Variants in OPA1 observed in about 807,000 individuals in gnomAD.
OPA1 encodes the protein OPA1 mitochondrial dynamin like GTPase, also known as dynamin-like GTPase OPA1, mitochondrial.
Under a neutral mutation model 152.9 loss-of-function variants are expected in OPA1, and 59 were observed. The ratio of observed to expected loss-of-function variants is 0.39; its 90% CI spans 0.31 to 0.48. The LOEUF is 0.48. OPA1 is among the 20% of genes least tolerant of loss of function. The pLI, the probability that OPA1 is intolerant of heterozygous loss-of-function variation, is 0.96. For missense variants in OPA1, 1,008 were observed against 1,216.8 expected (o/e 0.83, Z 2.55); for synonymous variants, 400 against 389.9 (o/e 1.03, Z -0.31).
chr3:193,600,517 T>G (rs1393060747), intron 1 of OPA1, among the ~76,000 whole-genome samples: 2 of 152,166 alleles, frequency 1.3e-5, no homozygotes, highest in Non-Finnish European at 2.9e-5. Flanking sequence ...AATGCTAAGG[T>G]GTACTCCTTA....
chr3:193,668,295 T>G (rs1304182009), intron 29 of OPA1: 2 of 1,528,582 alleles, frequency 1.3e-6, no homozygotes, highest in African/African-American at 2.8e-5. Context: ...TGAATGAAGA[T>G]ATGTCCTTTT....
chr3:193,665,088 GT>G (rs963789511), intron 27 of OPA1, 92 bp downstream of exon 27: 24 of 743,664 alleles, frequency 3.2e-5, no homozygotes, highest in Non-Finnish European at 5.3e-5. Context: ...TTAATTTTAA[GT>G]CCTTTGATCA....
intron 29 of OPA1, among the ~76,000 whole-genome samples, chr3:193,671,302 C>T (rs61298610): frequency 9.9e-5 from 15 of 152,156 alleles, no homozygotes; most frequent in Admixed American, 3.3e-4. Flanking sequence ...TCCTGAAGTA[C>T]TTCTTACCAA....
rs1386279079 is a variant in OPA1 at position 193,652,813 on chromosome 3, G to T, written c.2013-2049G>T. Among the ~76,000 whole-genome samples, 5 of 152,114 alleles carry T rather than the reference G, an allele frequency of 3.3e-5. No individual in the cohort carries two copies. The East Asian group carries it at 5.8e-4, about 18-fold the overall frequency. On this transcript the variant is annotated intron_variant, in intron 21 of 30. Transcript: ENST00000361510. ...AGCTTGGCGATGAAAGGCAGGAGAGGCTGGGCAAGGAGAAGTGATAACAGC... is the reference window on the plus strand; with the variant it reads ...AGCTTGGCGATGAAAGGCAGGAGAGTCTGGGCAAGGAGAAGTGATAACAGC...
chr3:193,593,990 A>G (rs1006853338), intron 1 of OPA1, among the ~76,000 whole-genome samples: 4 of 152,268 alleles, frequency 2.6e-5, no homozygotes, highest in African/African-American at 9.6e-5. Flanking sequence ...TGCCCTTTCA[A>G]TAGCAGCTTT....
chr3:193,626,152 C>G lies in OPA1; in HGVS notation c.739C>G (p.Arg247Gly), dbSNP rs372957905. 1.2e-6 allele frequency: 2 copies of G among 1,613,978 alleles called. No individual in the cohort carries two copies. The highest frequency in any genetic ancestry group is 2.7e-5 in the African/African-American group (2 of 74,898). Reference protein sequence around the residue: ...QQIQEHEEEARRAAGQYSTSY... With the variant: ...QQIQEHEEEAGRAAGQYSTSY... ...AATTCAAGAGCATGAAGAGGAAGCG[C>G]GCAGAGCCGCTGGCCAATATAGCAC... Residue 247 changes from arginine (R) to glycine (G), a missense_variant, in exon 7 of 31, where the codon CGC becomes GGC. Around this residue, in one of 7 missense-constraint regions of OPA1, gnomAD observed 408 missense variants for 395.1 expected, o/e 1.03. Transcript: ENST00000361510.
At chr3:193,684,079 C>T (rs1174462098) in intron 29 of OPA1, among the ~76,000 whole-genome samples, 2 of 152,096 alleles carry the variant, frequency 1.3e-5, no homozygotes, top group Non-Finnish European at 2.9e-5. Flanking sequence ...AAGCATGGGT[C>T]TTCTTCGTAC....
At chr3:193,626,045 A>C in intron 6 of OPA1, 47 bp from the exon 7 acceptor site, 1 of 1,420,604 alleles carries the variant, frequency 7.0e-7, no homozygotes. Flanking sequence ...GTTTAACATT[A>C]TTCTCCTCCC....
In OPA1 at chr3:193,666,322, T is replaced by C; in HGVS notation, c.2805T>C (p.Phe935=). Residue 935 remains phenylalanine, a synonymous_variant, in exon 28 of 31, where the codon TTT becomes TTC. Coordinates refer to ENST00000361510, the MANE Select transcript of OPA1 (RefSeq NM_130837.3). ...TGGAATGCAATGATGTGGTCTTGTT[T>C]TGGCGTATACAGCGCATGCTTGCTA... ...SELECNDVVL[F]WRIQRMLAIT... is the part of the protein sequence containing the mutation. 6.2e-7 allele frequency: 1 copy of C among 1,614,204 alleles called. No individual in the cohort carries two copies. The highest frequency in any genetic ancestry group is 1.1e-5 in the South Asian group (1 of 91,082).
At chr3:193,625,470 A>G (rs961982410) in intron 6 of OPA1, among the ~76,000 whole-genome samples, 1 of 151,966 alleles carries the variant, frequency 6.6e-6, no homozygotes, top group African/African-American at 2.4e-5. Context: ...CAGACTAGTT[A>G]TTTGATATTA....
At chr3:193,626,255 C>A in intron 7 of OPA1, 53 bp downstream of exon 7, 1 of 1,254,072 alleles carries the variant, frequency 8.0e-7, no homozygotes, top group Non-Finnish European at 1.2e-6. Context: ...TCAGCCATTT[C>A]TGCCAAGATC....
In OPA1 at chr3:193,614,871, C is replaced by G; in HGVS notation, c.181C>G (p.Gln61Glu). 1.2e-6 allele frequency: 2 copies of G among 1,614,028 alleles called. No homozygotes were observed. Among genetic ancestry groups the G allele is most frequent in the Non-Finnish European group, 1.7e-6 (2 of 1,179,886 alleles). Residue 61 changes from glutamine (Q) to glutamate (E), a missense_variant, in exon 2 of 31, where the codon CAG (glutamine) becomes GAG (glutamate). Gln to Glu is a conservative substitution (Grantham distance 29). Transcript: ENST00000361510. ...QRPQLRTSFQ[Q>E]FSSLTNLPLR... ...ACCCCAATTAAGGACATCCTTTCAG[C>G]AGTTCTCTTCTCTGACAAACCTTCC...
intron 11 of OPA1, among the ~76,000 whole-genome samples, chr3:193,640,732 T>C (rs1288935051): frequency 6.6e-6 from 1 of 152,202 alleles, no homozygotes; most frequent in Non-Finnish European, 1.5e-5. Context: ...TGAATCATTA[T>C]GATTGTGTTT....
intron 7 of OPA1, among the ~76,000 whole-genome samples, chr3:193,628,843 A>C (rs1731605223): frequency 6.6e-6 from 1 of 152,214 alleles, no homozygotes; most frequent in South Asian, 2.1e-4. Flanking sequence ...TGTTTTATAA[A>C]TCTAAATGTT....
chr3:193,603,532 C>T (rs143757854), intron 1 of OPA1: 1 of 152,176 alleles, frequency 6.6e-6, no homozygotes, highest in South Asian at 2.1e-4. Flanking sequence ...GTTTGGAGTC[C>T]ATTTTTGATG....
intron 29 of OPA1, among the ~76,000 whole-genome samples, chr3:193,690,776 A>G (rs1300408731): frequency 3.9e-5 from 6 of 152,220 alleles, no homozygotes; most frequent in Non-Finnish European, 5.9e-5. Flanking sequence ...GTTTTCCTAC[A>G]TAGTGAAAGT....
chr3:193,630,105 A>G (rs1731839201), intron 7 of OPA1, among the ~76,000 whole-genome samples: 1 of 152,188 alleles, frequency 6.6e-6, no homozygotes. Flanking sequence ...GGAATTATGT[A>G]TTTCTTCATT....
At chr3:193,633,857 A>G (rs1732497238) in intron 8 of OPA1, among the ~76,000 whole-genome samples, 1 of 152,216 alleles carries the variant, frequency 6.6e-6, no homozygotes, top group Non-Finnish European at 1.5e-5. Flanking sequence ...ATCCTTAGAT[A>G]CTACCAGAAT....
At chr3:193,658,504 TG>T (rs1323684092) in intron 23 of OPA1, among the ~76,000 whole-genome samples, 1 of 152,186 alleles carries the variant, frequency 6.6e-6, no homozygotes, top group African/African-American at 2.4e-5. Flanking sequence ...AAGGCTAACA[TG>T]TAGGTCACAT....
Sources: gnomAD v4.1 joint callset for allele counts (sites outside exome capture counted in the v4.1 genomes callset) on GRCh38, gnomAD v4.1.1 for gene constraint, gnomAD v4.1.1 regional missense constraint, MANE v1.5 for transcripts, NCBI Gene and HGNC (gene_info 2026-07-23, HGNC 2026-07-21) for gene names.